Variants in EXT1 observed in about 807,000 individuals in gnomAD.
The protein encoded by EXT1 is exostosin-1.
In EXT1, 20 loss-of-function variants were observed where a neutral mutation model predicts 82.5. The ratio of observed to expected loss-of-function variants is 0.24; its 90% CI spans 0.17 to 0.35. The LOEUF (loss-of-function observed/expected upper bound fraction) is 0.35. Ranked by LOEUF, EXT1 falls within the 10% of genes least tolerant of loss-of-function variation. The probability of loss-of-function intolerance (pLI) is 1.00; values close to 1 mark genes in which losing one functional copy is unlikely to be tolerated. For synonymous variants in EXT1, 348 were observed against 350.8 expected, an observed-to-expected ratio of 0.99 and a Z score of 0.09; for missense variants, 757 against 936.5, an observed-to-expected ratio of 0.81 and a Z score of 2.50.
chr8:117,947,868 G>C (rs973469735), intron 1 of EXT1, among the ~76,000 whole-genome samples: 1 of 152,142 alleles, frequency 6.6e-6, no homozygotes, highest in Non-Finnish European at 1.5e-5. Context: ...GGGAAGGCAG[G>C]CATTATCTTA....
chr8:117,984,747 T>G (rs1470036479), intron 1 of EXT1, among the ~76,000 whole-genome samples: 1 of 152,102 alleles, frequency 6.6e-6, no homozygotes, highest in Non-Finnish European at 1.5e-5. Context: ...TGATGGAGAA[T>G]AACTAGAGGA....
chr8:118,001,015 A>T (rs1815654401), intron 1 of EXT1, among the ~76,000 whole-genome samples: 1 of 152,210 alleles, frequency 6.6e-6, no homozygotes, highest in Non-Finnish European at 1.5e-5. Context: ...ATAAAAATGC[A>T]CTTCATTCAT....
chr8:117,978,585 C>T (rs1485121696), intron 1 of EXT1, among the ~76,000 whole-genome samples: 1 of 152,090 alleles, frequency 6.6e-6, no homozygotes, highest in Non-Finnish European at 1.5e-5. Context: ...AAGAGATGTC[C>T]TTCTCTGGAT....
intron 1 of EXT1, among the ~76,000 whole-genome samples, chr8:117,969,621 G>C (rs549213585): frequency 6.6e-6 from 1 of 152,288 alleles, no homozygotes; most frequent in South Asian, 2.1e-4. Context: ...CATAAATTAT[G>C]CATGTTTGCG....
intron 1 of EXT1, among the ~76,000 whole-genome samples, chr8:117,883,916 C>T (rs1477985894): frequency 6.6e-6 from 1 of 152,172 alleles, no homozygotes; most frequent in Non-Finnish European, 1.5e-5. Context: ...GTTTTCGTGC[C>T]AGAAAGGTGC....
chr8:118,030,271 C>T (rs951582746), intron 1 of EXT1, among the ~76,000 whole-genome samples: 2 of 150,546 alleles, frequency 1.3e-5, no homozygotes, highest in African/African-American at 4.9e-5. Flanking sequence ...GATATAAAAG[C>T]CAGCCTGGGC....
At chr8:117,850,827 C>A (rs1174534736) in intron 1 of EXT1, among the ~76,000 whole-genome samples, 9 of 152,190 alleles carry the variant, frequency 5.9e-5, no homozygotes, top group African/African-American at 2.2e-4. Context: ...GTGACTCAGG[C>A]AGCCTCAGGA....
chr8:117,858,237 T>G (rs1364260389), intron 1 of EXT1, among the ~76,000 whole-genome samples: 1 of 152,198 alleles, frequency 6.6e-6, no homozygotes, highest in African/African-American at 2.4e-5. Flanking sequence ...GACTCCAACT[T>G]TGAAAGAAGA....
chr8:117,804,995 A>G (rs1188967874), intron 9 of EXT1, 102 bp from the exon 10 acceptor site: 2 of 997,422 alleles, frequency 2.0e-6, no homozygotes, highest in Non-Finnish European at 3.1e-6. Context: ...ATCCCTAAAC[A>G]TGTCATGAAT....
rs375675295 is a variant in EXT1, at chr8:118,001,282, G to A, written c.962+108803C>T. Among the ~76,000 whole-genome samples the A allele has an allele frequency of 9.2e-5, 14 of 152,236 alleles. No individual in the cohort carries two copies. In the South Asian group the frequency reaches 2.7e-3, roughly 29 times the overall value. On this transcript the variant is annotated intron_variant, in intron 1 of 10. Coordinates refer to ENST00000378204, the MANE Select transcript of EXT1 (RefSeq NM_000127.3). ...GCTCATTGCAACTTCCACCTCCCAG[G>A]TTCAGGCAATTCTCGTGCCTCAGCC...
Position 118,081,077 on chromosome 8 carries a change from T to C in EXT1, c.962+29008A>G, listed in dbSNP as rs181059631. Among the ~76,000 whole-genome samples the C allele has an allele frequency of 1.4e-3, 211 of 152,302 alleles. 2 individuals are homozygous for C. The Middle Eastern group carries it at 0.017, about 12-fold the overall frequency. ...AAATGCTTTTCATTCAGTATCTCATTTAATTTTACAGAGCAGCACTAAAAA... is the reference window on the plus strand; with the variant it reads ...AAATGCTTTTCATTCAGTATCTCATCTAATTTTACAGAGCAGCACTAAAAA... On this transcript the variant is annotated intron_variant, in intron 1 of 10. Coordinates refer to ENST00000378204, the MANE Select transcript of EXT1 (RefSeq NM_000127.3).
At chr8:118,094,486 A>C (rs547521777) in intron 1 of EXT1, among the ~76,000 whole-genome samples, 78 of 152,392 alleles carry the variant, frequency 5.1e-4, no homozygotes, top group Middle Eastern at 3.4e-3. Flanking sequence ...GGTAAGCCTG[A>C]AGTTACAGGC....
intron 1 of EXT1, among the ~76,000 whole-genome samples, chr8:118,109,367 A>AAG (rs1410027430): frequency 6.6e-6 from 1 of 151,680 alleles, no homozygotes; most frequent in East Asian, 1.9e-4. Flanking sequence ...ATTTAAAAAA[A>AAG]AAAAAAAAGT....
At chr8:118,039,330 C>T (rs910906577) in intron 1 of EXT1, among the ~76,000 whole-genome samples, 23 of 152,074 alleles carry the variant, frequency 1.5e-4, no homozygotes, top group Non-Finnish European at 2.5e-4. Context: ...GAGGCCAAGG[C>T]GGGCAGATCA....
intron 1 of EXT1, among the ~76,000 whole-genome samples, chr8:118,010,371 C>CAA (rs56865464): frequency 0.04 from 2,238 of 55,900 alleles, 128 homozygotes; most frequent in African/African-American, 0.12. Context: ...GACTCCGTCT[C>CAA]AAAAAAAAAA....
At chr8:117,858,824 G>GGAAGGAAGGAAA in intron 1 of EXT1, among the ~76,000 whole-genome samples, 3 of 29,726 alleles carry the variant, frequency 1.0e-4, no homozygotes. Context: ...AAGGAAGGAA[G>GGAAGGAAGGAAA]GAAGGAAGGA....
At chr8:118,058,704 T>C (rs2129938186) in intron 1 of EXT1, among the ~76,000 whole-genome samples, 2 of 152,300 alleles carry the variant, frequency 1.3e-5, no homozygotes, top group South Asian at 2.1e-4. Context: ...GTGCATAACA[T>C]GATATAGATT....
At chr8:117,968,283 AT>A (rs1249157764) in intron 1 of EXT1, among the ~76,000 whole-genome samples, 1 of 151,636 alleles carries the variant, frequency 6.6e-6, no homozygotes, top group African/African-American at 2.4e-5. Context: ...TTATTTTGAA[AT>A]TTTTAGTAGT....
chr8:118,013,000 G>A (rs541310586), intron 1 of EXT1, among the ~76,000 whole-genome samples: 3 of 152,176 alleles, frequency 2.0e-5, no homozygotes, highest in South Asian at 4.1e-4. Flanking sequence ...CATAATGTGG[G>A]TGAAGAAAAG....
Sources: gnomAD v4.1 joint callset for allele counts (sites outside exome capture counted in the v4.1 genomes callset) on GRCh38, gnomAD v4.1.1 for gene constraint, MANE v1.5 for transcripts, NCBI Gene and HGNC (gene_info 2026-07-23, HGNC 2026-07-21) for gene names.